The following TUBA4B variants were observed in gnomAD, a reference collection of about 807,000 sequenced individuals.
TUBA4B encodes the protein tubulin-like protein alpha-4B.
A neutral mutation model predicts 18.4 loss-of-function variants in TUBA4B; 13 were observed. The ratio of observed to expected loss-of-function variants is 0.71; its 90% CI spans 0.46 to 1.12. The LOEUF is 1.12. Among genes scored for constraint, TUBA4B ranks in the 50% most tolerant of loss-of-function variants. The pLI, the probability that TUBA4B is intolerant of heterozygous loss-of-function variation, is 0.00. For missense variants in TUBA4B, 244 were observed against 250.0 expected (o/e 0.98, Z 0.16); for synonymous variants, 101 against 99.1 (o/e 1.02, Z -0.11).
chr2:219,259,107 C>T (rs1168925453), intron 1 of TUBA4B, among the ~76,000 whole-genome samples: 2 of 148,314 alleles, frequency 1.3e-5, no homozygotes, highest in African/African-American at 5.0e-5. Flanking sequence ...ATGGTGAAAC[C>T]TCGTCTCTAC....
chr2:219,271,462 C>T lies in TUBA4B; in HGVS notation c.489C>T (p.Tyr163=), dbSNP rs751204354. The T allele has an allele frequency of 1.9e-5, 31 of 1,614,078 alleles. No homozygotes were observed. Among genetic ancestry groups the T allele is most frequent in the Non-Finnish European group, 2.4e-5 (28 of 1,180,038 alleles). The stretch of plus-strand genomic sequence containing the variant: ...ACCTAGACATCGAGCGCCCAACCTA[C>T]ACCAACCTCAATCGCCTCATTAGCC... ...HCNLDIERPT[Y]TNLNRLISQI... Residue 163 remains tyrosine, a synonymous_variant, in exon 4 of 4, where the codon TAC becomes TAT. Transcript: ENST00000490341.
intron 3 of TUBA4B, 123 bp from the exon 4 acceptor site, chr2:219,271,043 T>A: frequency 1.7e-6 from 1 of 605,748 alleles, no homozygotes; most frequent in Non-Finnish European, 2.9e-6. Context: ...TCTTTTGTGC[T>A]CTTGGAAAAG....
At chr2:219,267,096 G>A (rs939196131) in intron 2 of TUBA4B, among the ~76,000 whole-genome samples, 14 of 152,192 alleles carry the variant, frequency 9.2e-5, no homozygotes, top group Non-Finnish European at 2.9e-5. Flanking sequence ...AGAAGGAGGA[G>A]GGAAAAGGGG....
chr2:219,268,036 G>A (rs992079140), intron 2 of TUBA4B, among the ~76,000 whole-genome samples: 2 of 151,954 alleles, frequency 1.3e-5, no homozygotes, highest in Non-Finnish European at 2.9e-5. Context: ...GGTGATTGGT[G>A]AGCCAAGGCA....
rs550797844 is a variant in TUBA4B, at chr2:219,270,485, T to C, written c.192+150T>C. On this transcript the variant is annotated intron_variant, in intron 3 of 3. Coordinates refer to ENST00000490341, the MANE Select transcript of TUBA4B (RefSeq NM_001355221.1). Reference sequence around the variant, plus strand: ...AATGAGGAGAGGCCCTGCACTCTGATCGGGGGGCCAACTGTAGGTTCCAGC... The same window carrying C: ...AATGAGGAGAGGCCCTGCACTCTGACCGGGGGGCCAACTGTAGGTTCCAGC... The C allele has an allele frequency of 9.5e-5, 58 of 610,374 alleles. 1 individual carries two copies. Among genetic ancestry groups the C allele is most frequent in the Middle Eastern group, 2.6e-4 (1 of 3,816 alleles). The allele number at this position is 610,374 out of a possible 1,614,324, so 37.8% of individuals were successfully genotyped here.
At chr2:219,267,310 G>A (rs1951796431) in intron 2 of TUBA4B, among the ~76,000 whole-genome samples, 1 of 152,076 alleles carries the variant, frequency 6.6e-6, no homozygotes, top group Non-Finnish European at 1.5e-5. Context: ...ATAAATTGGG[G>A]GTAATAAAAC....
At chr2:219,271,107 C>A (rs1397151501) in intron 3 of TUBA4B, 59 bp from the exon 4 acceptor site, 1 of 654,230 alleles carries the variant, frequency 1.5e-6, no homozygotes, top group East Asian at 2.7e-5. Flanking sequence ...CAAGTTGGTT[C>A]TTTCCTGTCC....
At chr2:219,253,946 T>C in intron 1 of TUBA4B, 1 of 754,380 alleles carries the variant, frequency 1.3e-6, no homozygotes, top group Non-Finnish European at 1.8e-6. Context: ...ACCGCCCTTA[T>C]AGGCGGGGGG....
chr2:219,257,983 GT>G (rs1025891775), intron 1 of TUBA4B, among the ~76,000 whole-genome samples: 4,445 of 94,214 alleles, frequency 0.047, 130 homozygotes, highest in African/African-American at 0.15. Context: ...CATTTTGGGT[GT>G]TTTTTTTTTT....
At chr2:219,256,632 T>A (rs1352361848) in intron 1 of TUBA4B, among the ~76,000 whole-genome samples, 1 of 152,160 alleles carries the variant, frequency 6.6e-6, no homozygotes, top group African/African-American at 2.4e-5. Context: ...TTATCCCAGG[T>A]AGGCCCAGTG....
In TUBA4B at chr2:219,254,101, C is replaced by T. The variant is rs930854663; in HGVS notation, c.12+682C>T. The T allele has an allele frequency of 9.5e-6, 4 of 419,772 alleles. No individual in the cohort carries two copies. The Admixed American group carries it at 1.2e-4, about 13-fold the overall frequency. The allele number at this position is 419,772 out of a possible 1,614,324, so 26.0% of individuals were successfully genotyped here. A position where few individuals can be genotyped will look rare whatever the true frequency, so the allele number is the denominator to read the frequency against. On this transcript the variant is annotated intron_variant, in intron 1 of 3. Transcript: ENST00000490341. ...CTGCGCGGGGGTCCCTCACCTGTCC[C>T]GCTGGGATTAAGAGTCGCGATTCGG...
chr2:219,255,559 A>C (rs909123470), intron 1 of TUBA4B, among the ~76,000 whole-genome samples: 5 of 151,946 alleles, frequency 3.3e-5, no homozygotes, highest in African/African-American at 9.7e-5. Context: ...TAGTAGAGAC[A>C]AGGTCTCGCC....
Position 219,271,215 on chromosome 2 carries a change from G to T in TUBA4B, c.242G>T (p.Gly81Val). ...LQGFLVFHSL[G>V]RGTGSDVTSF... ...GGCTTCCTGGTGTTCCACAGCCTTGGTCGGGGCACTGGCTCTGACGTCACC... is the reference window on the plus strand; with the variant it reads ...GGCTTCCTGGTGTTCCACAGCCTTGTTCGGGGCACTGGCTCTGACGTCACC... The change falls in exon 4 of 4, where the codon GGT becomes GTT. Residue 81 changes from glycine to valine, a missense_variant. By Grantham distance (109) the Gly-to-Val change is moderately radical (BLOSUM62 -3). Transcript: ENST00000490341. 1 of 1,153,734 alleles carries T rather than the reference G, an allele frequency of 8.7e-7. No homozygotes were observed. The highest frequency in any genetic ancestry group is 1.5e-5 in the African/African-American group (1 of 66,274). The allele number at this position is 1,153,734 out of a possible 1,614,324, so 71.5% of individuals were successfully genotyped here.
In TUBA4B at chr2:219,271,536, A is replaced by T. The variant is rs762788916; in HGVS notation, c.563A>T (p.Asn188Ile). 2 of 1,614,132 alleles carry T rather than the reference A, an allele frequency of 1.2e-6. No homozygotes were observed. The highest frequency in any genetic ancestry group is 1.7e-6 in the Non-Finnish European group (2 of 1,180,012). The stretch of plus-strand genomic sequence containing the variant: ...TCTCTGCGCTTTGACGGGGCCCTCA[A>T]TGTGGACCTGACAGAGTTCCAGACC... ...TASLRFDGAL[N>I]VDLTEFQTNL... The change falls in exon 4 of 4, where the codon AAT (asparagine) becomes ATT (isoleucine). Residue 188 changes from asparagine (N) to isoleucine (I), a missense_variant. Transcript: ENST00000490341.
intron 2 of TUBA4B, among the ~76,000 whole-genome samples, chr2:219,267,331 A>C (rs1319464435): frequency 6.6e-6 from 1 of 152,212 alleles, no homozygotes; most frequent in Non-Finnish European, 1.5e-5. Context: ...TACCTACCTA[A>C]GGTGAATGTG....
rs543136481 is a variant in TUBA4B, at chr2:219,259,625, C to G, written c.12+6206C>G. 7.0e-4 allele frequency among the ~76,000 whole-genome samples: 106 copies of G among 152,298 alleles called. 1 individual carries two copies. The highest frequency in any genetic ancestry group is 1.3e-3 in the Non-Finnish European group (89 of 68,024). On this transcript the variant is annotated intron_variant, in intron 1 of 3. Coordinates refer to ENST00000490341, the MANE Select transcript of TUBA4B (RefSeq NM_001355221.1). ...GTCCATCTACCTATATGTGTACTCT[C>G]CCTCTGGGTCTCTCTCCCTCTTCTC...
At chr2:219,257,383 A>G (rs1330363554) in intron 1 of TUBA4B, among the ~76,000 whole-genome samples, 8 of 125,618 alleles carry the variant, frequency 6.4e-5, no homozygotes, top group African/African-American at 2.4e-4. Flanking sequence ...TTGGCCGGGC[A>G]TGTAATTCCA....
chr2:219,259,889 C>T (rs1244618672), intron 1 of TUBA4B, among the ~76,000 whole-genome samples: 1 of 152,140 alleles, frequency 6.6e-6, no homozygotes, highest in Non-Finnish European at 1.5e-5. Context: ...ATCACATATC[C>T]ATGAATTCAC....
At chr2:219,269,828 G>T (rs945369222) in intron 2 of TUBA4B, among the ~76,000 whole-genome samples, 5 of 152,086 alleles carry the variant, frequency 3.3e-5, no homozygotes. Flanking sequence ...GGTGTTTGTG[G>T]ATCTGGAGCC....
Sources: allele counts gnomAD v4.1 joint callset (sites outside exome capture counted in the v4.1 genomes callset), GRCh38; gene constraint gnomAD v4.1.1; transcripts MANE v1.5; gene names NCBI Gene and HGNC (gene_info 2026-07-23, HGNC 2026-07-21).